Variants in IFT140 observed in about 807,000 individuals in gnomAD.
IFT140 encodes the protein intraflagellar transport protein 140 homolog.
Under a neutral mutation model 164.6 loss-of-function variants are expected in IFT140, and 133 were observed. The observed-to-expected ratio is 0.81, with a 90% CI of 0.70 to 0.93. The LOEUF (loss-of-function observed/expected upper bound fraction) is 0.93, where lower values mean the gene tolerates loss of function less well. Among genes scored for constraint, IFT140 ranks in the 40% least tolerant of loss-of-function variants. The probability of loss-of-function intolerance (pLI) is 0.00; values close to 1 mark genes in which losing one functional copy is unlikely to be tolerated. For missense variants in IFT140, 2,045 were observed against 1,972.3 expected, an observed-to-expected ratio of 1.04 and a Z score of -0.70; for synonymous variants, 860 against 817.3, an observed-to-expected ratio of 1.05 and a Z score of -0.89.
rs1244528826 is a variant in IFT140 at position 1,528,325 on chromosome 16, AC to A, written c.2400-1530del. ...AAGCCACACACACACGCACGCATGC[AC>A]GCACGTGTGCACACACACGCATGCA... On this transcript the variant is annotated intron_variant, in intron 19 of 30. Coordinates refer to ENST00000426508, the MANE Select transcript of IFT140 (RefSeq NM_014714.4). 4.9e-3 allele frequency among the ~76,000 whole-genome samples: 588 copies of A among 120,190 alleles called. 6 individuals are homozygous for A. Among genetic ancestry groups the A allele is most frequent in the African/African-American group, 0.022 (567 of 26,338 alleles). The allele number at this position is 120,190 out of a possible 152,430, so 78.8% of individuals were successfully genotyped here. A position where few individuals can be genotyped will look rare whatever the true frequency, so the allele number is the denominator to read the frequency against.
chr16:1,534,617 T>C (rs2076438), intron 19 of IFT140: 630,294 of 1,592,932 alleles, frequency 0.4, 130,249 homozygotes, highest in African/African-American at 0.68. Flanking sequence ...ACATGGGAGA[T>C]GTTAGGCGCG....
At chr16:1,548,238 T>C (rs567882023) in intron 19 of IFT140, among the ~76,000 whole-genome samples, 2 of 152,248 alleles carry the variant, frequency 1.3e-5, no homozygotes, top group Non-Finnish European at 2.9e-5. Flanking sequence ...TTAGAGCCAG[T>C]TGCACCCAGT....
In IFT140 at chr16:1,589,739, C is replaced by A. The variant is rs763180833; in HGVS notation, c.676G>T (p.Val226Leu). 1.1e-5 allele frequency: 18 copies of A among 1,614,104 alleles called. No individual in the cohort carries two copies. Among genetic ancestry groups the A allele is most frequent in the East Asian group, 2.2e-5 (1 of 44,898 alleles). The change falls in exon 7 of 31, where the codon GTG (valine) becomes TTG (leucine). Residue 226 changes from valine to leucine, a missense_variant. Transcript: ENST00000426508. ...TGAATCGTGCTGTCTGCGGACACCA[C>A]CTGAGTGGTCTTGCCCTTCTCATCC... ...YVDEKGKTTQ[V>L]VSADSTIQML...
At chr16:1,609,777 GGAGAGA>G (rs2142135029) in intron 2 of IFT140, among the ~76,000 whole-genome samples, 1 of 152,266 alleles carries the variant, frequency 6.6e-6, no homozygotes, top group South Asian at 2.1e-4. Flanking sequence ...AACACAAGGA[GGAGAGA>G]TGGCTGACAA....
chr16:1,518,192 T>C (rs2040418284), intron 30 of IFT140, 24 bp downstream of exon 30: 2 of 1,589,762 alleles, frequency 1.3e-6, no homozygotes, highest in Non-Finnish European at 8.5e-7. Context: ...GGGATGCTGC[T>C]AGTGAGCAGC....
At chr16:1,545,216 G>A (rs371116025) in intron 19 of IFT140, among the ~76,000 whole-genome samples, 6 of 152,154 alleles carry the variant, frequency 3.9e-5, no homozygotes, top group Non-Finnish European at 5.9e-5. Context: ...TGGCGGGGGC[G>A]GGACTGTGCT....
At chr16:1,523,789 T>C in intron 25 of IFT140, 39 bp downstream of exon 25, 1 of 1,607,640 alleles carries the variant, frequency 6.2e-7, no homozygotes, top group Non-Finnish European at 8.5e-7. Context: ...CCTGGCTTGC[T>C]GCCCCTCCCC....
chr16:1,594,467 C>G (rs951541993), intron 4 of IFT140, among the ~76,000 whole-genome samples: 4 of 152,304 alleles, frequency 2.6e-5, no homozygotes, highest in Admixed American at 2.6e-4. Context: ...GCAATTTTCC[C>G]ACCTCTGCCT....
intron 16 of IFT140, among the ~76,000 whole-genome samples, chr16:1,565,079 T>C (rs558975829): frequency 2.0e-5 from 3 of 151,958 alleles, no homozygotes; most frequent in African/African-American, 7.2e-5. Context: ...AAGATTCGAA[T>C]GCAGAAAGGA....
At chr16:1,601,263 CAAAA>C (rs965825314) in intron 4 of IFT140, among the ~76,000 whole-genome samples, 1 of 55,240 alleles carries the variant, frequency 1.8e-5, no homozygotes, top group Non-Finnish European at 3.9e-5. Context: ...GATTCCATCA[CAAAA>C]AAAAAAAAAA....
chr16:1,550,564 C>A (rs1022093583), intron 19 of IFT140, among the ~76,000 whole-genome samples: 2 of 152,254 alleles, frequency 1.3e-5, no homozygotes, highest in African/African-American at 2.4e-5. Context: ...AGGGACCCAG[C>A]GTCTCAGGGC....
At chr16:1,571,885 A>T (rs2034034697) in intron 13 of IFT140, among the ~76,000 whole-genome samples, 1 of 152,218 alleles carries the variant, frequency 6.6e-6, no homozygotes, top group Non-Finnish European at 1.5e-5. Flanking sequence ...ATGGGATCTC[A>T]GGAAAGTGCC....
chr16:1,540,374 C>T (rs563707299), intron 19 of IFT140, among the ~76,000 whole-genome samples: 5 of 152,354 alleles, frequency 3.3e-5, no homozygotes, highest in South Asian at 2.1e-4. Flanking sequence ...TAAAGCAGCC[C>T]GCATCCCCCA....
intron 3 of IFT140, among the ~76,000 whole-genome samples, chr16:1,604,263 C>A (rs1055692667): frequency 1.1e-5 from 1 of 93,394 alleles, no homozygotes; most frequent in Non-Finnish European, 2.1e-5. Context: ...CGCTGCATCG[C>A]GCTGCAAGGG....
rs373377650 is a variant in IFT140, at chr16:1,520,334, C to T, written c.3670G>A (p.Ala1224Thr). ...QAGNKLKAMR[A>T]LLKSGDTEKI... ...TCCGTGTCTCCGGATTTGAGCAGCG[C>T]CCTCATGGCCTAGGCAGAGAGACAG... The change falls in exon 28 of 31, where the codon GCG (alanine) becomes ACG (threonine). Residue 1224 changes from alanine (A) to threonine (T), a missense_variant. Ala to Thr is a moderately conservative substitution (Grantham distance 58). Coordinates refer to ENST00000426508, the MANE Select transcript of IFT140 (RefSeq NM_014714.4). 3.0e-5 allele frequency: 48 copies of T among 1,613,994 alleles called. No individual in the cohort carries two copies. The highest frequency in any genetic ancestry group is 4.1e-5 in the Non-Finnish European group (48 of 1,180,006).
At chr16:1,521,769 C>G (rs1450970701) in intron 26 of IFT140, among the ~76,000 whole-genome samples, 1 of 151,400 alleles carries the variant, frequency 6.6e-6, no homozygotes, top group Non-Finnish European at 1.5e-5. Flanking sequence ...GCCTGTAATT[C>G]CAGCACTTTG....
chr16:1,571,797 G>A (rs938342542), intron 13 of IFT140, among the ~76,000 whole-genome samples: 1 of 152,188 alleles, frequency 6.6e-6, no homozygotes. Flanking sequence ...CCAGTCTAGA[G>A]GGGAAAACAG....
chr16:1,527,250 A>G (rs1413964413), intron 19 of IFT140, among the ~76,000 whole-genome samples: 4 of 152,166 alleles, frequency 2.6e-5, no homozygotes, highest in Non-Finnish European at 5.9e-5. Flanking sequence ...CTGGCAGCCA[A>G]AGGGTGGAGC....
At chr16:1,536,270 T>C (rs554716042) in intron 19 of IFT140, among the ~76,000 whole-genome samples, 1 of 152,300 alleles carries the variant, frequency 6.6e-6, no homozygotes, top group South Asian at 2.1e-4. Flanking sequence ...GGGCCGCGTG[T>C]AGCCTCTGGC....
Sources: allele counts gnomAD v4.1 joint callset (sites outside exome capture counted in the v4.1 genomes callset), GRCh38; gene constraint gnomAD v4.1.1; transcripts MANE v1.5; gene names NCBI Gene and HGNC (gene_info 2026-07-23, HGNC 2026-07-21).